HCRTR2: variants seen among roughly 807,000 people sequenced by gnomAD.
HCRTR2 encodes hypocretin receptor 2.
HCRTR2 carries 22 observed loss-of-function variants against 49.0 expected under a neutral mutation model. The ratio of observed to expected loss-of-function variants is 0.45; its 90% CI spans 0.32 to 0.64. The LOEUF is 0.64. HCRTR2 is among the 30% of genes least tolerant of loss of function. The pLI is 0.04. For synonymous variants in HCRTR2, 236 were observed against 205.3 expected, an observed-to-expected ratio of 1.15 and a Z score of -1.28; for missense variants, 491 against 559.4, an observed-to-expected ratio of 0.88 and a Z score of 1.23.
chr6:55,123,134 A>T (rs1561978509), intron 1 of HCRTR2, among the ~76,000 whole-genome samples: 1 of 151,682 alleles, frequency 6.6e-6, no homozygotes, highest in Non-Finnish European at 1.5e-5. Context: ...TATATATATA[A>T]AATAATAATA....
chr6:55,170,085 G>A (rs987938701), upstream of HCRTR2, among the ~76,000 whole-genome samples: 18 of 149,802 alleles, frequency 1.2e-4, no homozygotes, highest in African/African-American at 2.2e-4. Flanking sequence ...TTATTTTTCC[G>A]TCTCATTTTT....
At chr6:55,266,174 G>A (rs1766856707) in intron 4 of HCRTR2, among the ~76,000 whole-genome samples, 1 of 152,132 alleles carries the variant, frequency 6.6e-6, no homozygotes, top group South Asian at 2.1e-4. Context: ...TCAACTAATT[G>A]TACTTACATT....
chr6:55,257,521 C>CT (rs916499434), intron 3 of HCRTR2, among the ~76,000 whole-genome samples: 2 of 151,620 alleles, frequency 1.3e-5, no homozygotes, highest in Admixed American at 6.6e-5. Context: ...ATAAGCTTTT[C>CT]TTTTTTTAAT....
In HCRTR2 at chr6:55,255,144, G is replaced by GGTGTCT; in HGVS notation, c.420_425dup (p.Ser141_Val142dup). On this transcript the variant is annotated inframe_insertion, in exon 3 of 7. Transcript: ENST00000370862. ...ATCTTTCTTTTCTCTAGACCGTGTC[G>GGTGTCT]GTGTCTGTGTCTGTCCTCACACTGA... 6.2e-7 allele frequency: 1 copy of GGTGTCT among 1,613,652 alleles called. No individual in the cohort carries two copies.
At chr6:55,203,064 A>G (rs1018810235) in intron 1 of HCRTR2, among the ~76,000 whole-genome samples, 2 of 152,210 alleles carry the variant, frequency 1.3e-5, no homozygotes, top group African/African-American at 4.8e-5. Flanking sequence ...GAGTTCTTCC[A>G]GTTTTACCGT....
chr6:55,208,337 A>T (rs916932004), intron 1 of HCRTR2, among the ~76,000 whole-genome samples: 2 of 151,016 alleles, frequency 1.3e-5, no homozygotes, highest in South Asian at 2.1e-4. Context: ...TAAAAAAAAA[A>T]AAAAAATAGC....
chr6:55,198,931 C>A (rs1207910204), intron 1 of HCRTR2, among the ~76,000 whole-genome samples: 1 of 152,168 alleles, frequency 6.6e-6, no homozygotes, highest in African/African-American at 2.4e-5. Flanking sequence ...TGGCCTCAGG[C>A]CTGTAACACA....
At chr6:55,276,768 G>C (rs3800540) in intron 4 of HCRTR2, among the ~76,000 whole-genome samples, 1 of 152,170 alleles carries the variant, frequency 6.6e-6, no homozygotes, top group African/African-American at 2.4e-5. Flanking sequence ...GCATTTTAAA[G>C]GGCTGGACCA....
intron 1 of HCRTR2, among the ~76,000 whole-genome samples, chr6:55,165,162 C>T (rs1203426714): frequency 1.3e-5 from 2 of 151,880 alleles, no homozygotes; most frequent in African/African-American, 2.4e-5. Context: ...AGCATACCTA[C>T]AGGATCTAGA....
At chr6:55,221,044 A>G (rs2127295749) in intron 1 of HCRTR2, among the ~76,000 whole-genome samples, 1 of 152,326 alleles carries the variant, frequency 6.6e-6, no homozygotes, top group Admixed American at 6.5e-5. Context: ...CCAAAAAATA[A>G]TTTTAAAAGA....
At chr6:55,202,775 T>G (rs533470323) in intron 1 of HCRTR2, among the ~76,000 whole-genome samples, 2 of 151,666 alleles carry the variant, frequency 1.3e-5, no homozygotes, top group African/African-American at 4.9e-5. Context: ...CCGGGGGAGG[T>G]TGGTAAACAT....
At chr6:55,199,241 A>G (rs895945697) in intron 1 of HCRTR2, among the ~76,000 whole-genome samples, 1 of 151,524 alleles carries the variant, frequency 6.6e-6, no homozygotes, top group African/African-American at 2.4e-5. Flanking sequence ...TTAATTTCTA[A>G]TTTTGTGGTT....
chr6:55,192,411 G>GCACA (rs1436691152), intron 1 of HCRTR2, among the ~76,000 whole-genome samples: 1 of 44,690 alleles, frequency 2.2e-5, no homozygotes, highest in Admixed American at 2.5e-4. Context: ...ACGCGCGCGC[G>GCACA]CGCACACACA....
In HCRTR2 at chr6:55,224,254, G is replaced by C. The variant is rs13437121; in HGVS notation, c.224-24385G>C. On this transcript the variant is annotated intron_variant, in intron 1 of 6. Transcript: ENST00000370862. ...GTTCAGTATGTCAAAGAGATGTTTC[G>C]TATTCATTGCAGCTTTATTCACAAT... is the stretch of plus-strand genomic sequence containing the variant. 6.5e-3 allele frequency among the ~76,000 whole-genome samples: 983 copies of C among 152,210 alleles called. 11 individuals carry two copies. Among genetic ancestry groups the C allele is most frequent in the African/African-American group, 0.022 (908 of 41,536 alleles).
At chr6:55,152,886 G>C (rs1764681647) in intron 1 of HCRTR2, among the ~76,000 whole-genome samples, 1 of 151,722 alleles carries the variant, frequency 6.6e-6, no homozygotes, top group Admixed American at 6.6e-5. Context: ...TGTTTTCTTT[G>C]TTGCACAAAA....
intron 1 of HCRTR2, among the ~76,000 whole-genome samples, chr6:55,113,560 C>A (rs191684130): frequency 6.6e-6 from 1 of 151,996 alleles, no homozygotes; most frequent in African/African-American, 2.4e-5. Flanking sequence ...CAGGAAAATG[C>A]AAATCAAAAC....
chr6:55,251,823 T>C (rs183846798), intron 2 of HCRTR2, among the ~76,000 whole-genome samples: 124 of 152,058 alleles, frequency 8.2e-4, no homozygotes, highest in Non-Finnish European at 8.8e-4. Flanking sequence ...ATAGTATAGG[T>C]CAAAGACCAA....
Position 55,209,903 on chromosome 6 carries a change from C to T in HCRTR2, c.223+35093C>T, listed in dbSNP as rs188952394. Among the ~76,000 whole-genome samples the T allele has an allele frequency of 5.8e-3, 884 of 152,098 alleles. 7 individuals are homozygous for T. Among genetic ancestry groups the T allele is most frequent in the Non-Finnish European group, 6.3e-3 (426 of 68,006 alleles). ...TTTACAAAACATTTAATGTCATTTGCGTCTTCGAAGAACAATGTATTCGGT... is the reference window on the plus strand; with the variant it reads ...TTTACAAAACATTTAATGTCATTTGTGTCTTCGAAGAACAATGTATTCGGT... On this transcript the variant is annotated intron_variant, in intron 1 of 6. Coordinates refer to ENST00000370862, the MANE Select transcript of HCRTR2 (RefSeq NM_001384272.1).
At chr6:55,110,092 C>A (rs1224098317) in intron 1 of HCRTR2, among the ~76,000 whole-genome samples, 1 of 152,076 alleles carries the variant, frequency 6.6e-6, no homozygotes, top group Admixed American at 6.6e-5. Context: ...AAATGATTAT[C>A]AGCCAAGAAT....
Sources: allele counts gnomAD v4.1 joint callset (sites outside exome capture counted in the v4.1 genomes callset), GRCh38; gene constraint gnomAD v4.1.1; transcripts MANE v1.5; gene names NCBI Gene and HGNC (gene_info 2026-07-23, HGNC 2026-07-21).